The following ARNT2 variants were observed in gnomAD, a reference collection of about 807,000 sequenced individuals.
ARNT2 encodes the protein aryl hydrocarbon receptor nuclear translocator 2.
Under a neutral mutation model 91.7 loss-of-function variants are expected in ARNT2, and 36 were observed. The ratio of observed to expected loss-of-function variants is 0.39; its 90% CI spans 0.30 to 0.52. The LOEUF is 0.52. Among genes scored for constraint, ARNT2 ranks in the 20% least tolerant of loss-of-function variants. The pLI is 0.72. For synonymous variants in ARNT2, 365 were observed against 347.1 expected (o/e 1.05, Z -0.57); for missense variants, 775 against 939.3 (o/e 0.83, Z 2.29).
At chr15:80,412,985 C>T (rs1386081038) in intron 1 of ARNT2, among the ~76,000 whole-genome samples, 1 of 152,222 alleles carries the variant, frequency 6.6e-6, no homozygotes, top group Non-Finnish European at 1.5e-5. Context: ...GGCCCTGTTG[C>T]CTGTAAGTCT....
intron 8 of ARNT2, among the ~76,000 whole-genome samples, chr15:80,514,881 A>G (rs914886129): frequency 3.3e-5 from 5 of 152,128 alleles, no homozygotes; most frequent in African/African-American, 1.2e-4. Context: ...GCAAGACCCC[A>G]TCTCAAAAAA....
At chr15:80,546,731 G>A (rs1170897611) in intron 8 of ARNT2, among the ~76,000 whole-genome samples, 1 of 152,172 alleles carries the variant, frequency 6.6e-6, no homozygotes, top group Non-Finnish European at 1.5e-5. Context: ...TTGGGAGGCT[G>A]AGGCAGGTGG....
intron 1 of ARNT2, among the ~76,000 whole-genome samples, chr15:80,439,782 C>A (rs926264467): frequency 6.6e-6 from 1 of 152,252 alleles, no homozygotes; most frequent in Non-Finnish European, 1.5e-5. Flanking sequence ...TGGCCTCTTC[C>A]CTTTTATACA....
chr15:80,501,606 C>T (rs770456792), intron 5 of ARNT2, among the ~76,000 whole-genome samples: 1 of 152,200 alleles, frequency 6.6e-6, no homozygotes, highest in Non-Finnish European at 1.5e-5. Context: ...GGTCTGAATG[C>T]CGTCTCTCCC....
intron 5 of ARNT2, among the ~76,000 whole-genome samples, chr15:80,494,372 G>A (rs1056935171): frequency 5.3e-5 from 8 of 152,150 alleles, no homozygotes; most frequent in Non-Finnish European, 1.2e-4. Context: ...CTCCATGTCA[G>A]CCTGGTCTCC....
intron 5 of ARNT2, among the ~76,000 whole-genome samples, chr15:80,493,677 T>A (rs1897086478): frequency 6.6e-6 from 1 of 152,338 alleles, no homozygotes; most frequent in Non-Finnish European, 1.5e-5. Context: ...AAACTTCTAG[T>A]AGGGAACTCT....
intron 17 of ARNT2, among the ~76,000 whole-genome samples, chr15:80,589,393 G>A (rs1042511269): frequency 6.6e-6 from 1 of 151,990 alleles, no homozygotes; most frequent in African/African-American, 2.4e-5. Context: ...GGAAGGAGAG[G>A]TAGGTATGTA....
At chr15:80,474,891 A>G in intron 4 of ARNT2, 119 bp from the exon 5 acceptor site, 3 of 1,049,526 alleles carry the variant, frequency 2.9e-6, no homozygotes, top group South Asian at 3.0e-5. Flanking sequence ...TTCCCAAACT[A>G]TTTGTGTACC....
intron 1 of ARNT2, among the ~76,000 whole-genome samples, chr15:80,450,013 G>A (rs998420857): frequency 2.0e-5 from 3 of 152,158 alleles, no homozygotes; most frequent in African/African-American, 2.4e-5. Context: ...AACATTTGTC[G>A]AGTCATGGAA....
At chr15:80,497,045 A>G (rs1897133469) in intron 5 of ARNT2, among the ~76,000 whole-genome samples, 1 of 152,180 alleles carries the variant, frequency 6.6e-6, no homozygotes, top group African/African-American at 2.4e-5. Flanking sequence ...CCAGGAAGGG[A>G]GGCAAGCTAT....
chr15:80,546,637 A>AC (rs1440518936), intron 8 of ARNT2, among the ~76,000 whole-genome samples: 1 of 152,182 alleles, frequency 6.6e-6, no homozygotes, highest in Non-Finnish European at 1.5e-5. Context: ...TCGACTAGAG[A>AC]CATAGTCTTG....
chr15:80,404,827 GC>G lies in ARNT2; in HGVS notation c.31+286del, dbSNP rs1440483227. Among the ~76,000 whole-genome samples, 1 of 152,154 alleles carries G rather than the reference GC, an allele frequency of 6.6e-6. No individual in the cohort carries two copies. The highest frequency in any genetic ancestry group is 6.5e-5 in the Admixed American group (1 of 15,292). The stretch of plus-strand genomic sequence containing the variant: ...GGGAACCCGAAGGGCAGGCCCGGGA[GC>G]CCCCGAAGTTCTGAAAATAACCGCC... On this transcript the variant is annotated intron_variant, in intron 1 of 18. Coordinates refer to ENST00000303329, the MANE Select transcript of ARNT2 (RefSeq NM_014862.4). This position sits in a 1 kb window ranked among gnomAD's most constrained non-coding sequence, Gnocchi z 5.5.
chr15:80,573,447 C>A (rs1898617677), intron 12 of ARNT2, among the ~76,000 whole-genome samples: 1 of 152,022 alleles, frequency 6.6e-6, no homozygotes, highest in African/African-American at 2.4e-5. Flanking sequence ...TAATTTTTTG[C>A]CTGTCCTTCT....
chr15:80,438,931 C>T (rs1023916074), intron 1 of ARNT2, among the ~76,000 whole-genome samples: 3 of 152,148 alleles, frequency 2.0e-5, no homozygotes, highest in African/African-American at 4.8e-5. Flanking sequence ...CCTCGTGATC[C>T]GCCCATCTCG....
intron 8 of ARNT2, among the ~76,000 whole-genome samples, chr15:80,518,086 T>C (rs772182517): frequency 2.6e-5 from 4 of 152,100 alleles, no homozygotes; most frequent in Non-Finnish European, 5.9e-5. Context: ...AGACATGTTG[T>C]ATCAGATAAT....
intron 8 of ARNT2, among the ~76,000 whole-genome samples, chr15:80,549,887 C>T (rs1163041556): frequency 1.3e-5 from 2 of 152,234 alleles, no homozygotes; most frequent in Non-Finnish European, 2.9e-5. Context: ...TAATAAAACA[C>T]ATATGCACAA....
At position 80,404,575 on chromosome 15, in the gene ARNT2, G is replaced by A; in HGVS notation, c.31+29G>A. 1.8e-6 allele frequency: 2 copies of A among 1,083,764 alleles called. No homozygotes were observed. The highest frequency in any genetic ancestry group is 1.1e-6 in the Non-Finnish European group (1 of 890,426). 67.1% of individuals were successfully genotyped at this position (1,083,764 alleles called of 1,614,324 possible). On this transcript the variant is annotated intron_variant, in intron 1 of 18. Transcript: ENST00000303329. This position sits in a 1 kb window ranked among gnomAD's most constrained non-coding sequence, Gnocchi z 5.5. The stretch of plus-strand genomic sequence containing the variant: ...AGTAGCGGCCTGGGCCCCGCCGCCC[G>A]CCGCAGCCCGCAGGCCTTGCCCGGG...
intron 1 of ARNT2, among the ~76,000 whole-genome samples, chr15:80,417,273 G>A (rs1183799929): frequency 1.3e-5 from 2 of 152,064 alleles, no homozygotes; most frequent in Non-Finnish European, 2.9e-5. Context: ...GATTTGTCCC[G>A]TTTTTGGTTG....
At chr15:80,494,011 C>T (rs1040211194) in intron 5 of ARNT2, among the ~76,000 whole-genome samples, 1 of 152,214 alleles carries the variant, frequency 6.6e-6, no homozygotes, top group African/African-American at 2.4e-5. Flanking sequence ...TGCCATGATG[C>T]TTCCTGGAGT....
Sources: gnomAD v4.1 joint callset for allele counts (sites outside exome capture counted in the v4.1 genomes callset) on GRCh38, gnomAD v4.1.1 for gene constraint, Gnocchi (gnomAD v3.1) non-coding constraint, MANE v1.5 for transcripts, NCBI Gene and HGNC (gene_info 2026-07-23, HGNC 2026-07-21) for gene names.